The following PPP2R3A variants were observed in gnomAD, a reference collection of about 807,000 sequenced individuals.
PPP2R3A encodes protein phosphatase 2 regulatory subunit B''alpha, also known as serine/threonine-protein phosphatase 2A regulatory subunit B'' subunit alpha.
PPP2R3A carries 80 observed loss-of-function variants against 106.9 expected under a neutral mutation model. That is an observed-to-expected ratio of 0.75 (90% CI 0.62 to 0.90). The LOEUF is 0.90. PPP2R3A is among the 40% of genes least tolerant of loss of function. The pLI, the probability that PPP2R3A is intolerant of heterozygous loss-of-function variation, is 0.00. For missense variants in PPP2R3A, 1,386 were observed against 1,350.4 expected (o/e 1.03, Z -0.41); for synonymous variants, 483 against 468.3 (o/e 1.03, Z -0.41).
chr3:136,104,013 TAAG>T (rs1034660399), intron 12 of PPP2R3A, among the ~76,000 whole-genome samples: 2 of 152,150 alleles, frequency 1.3e-5, no homozygotes, highest in African/African-American at 4.8e-5. Flanking sequence ...ACCATTCCTC[TAAG>T]AAGTAAAAAT....
intron 3 of PPP2R3A, among the ~76,000 whole-genome samples, chr3:136,031,275 A>AT (rs1198969083): frequency 1.3e-5 from 2 of 152,058 alleles, no homozygotes; most frequent in Non-Finnish European, 2.9e-5. Flanking sequence ...GACATTGAAC[A>AT]TTTTTTATAT....
intron 2 of PPP2R3A, among the ~76,000 whole-genome samples, chr3:136,011,213 C>G (rs558032252): frequency 1.3e-5 from 2 of 152,130 alleles, no homozygotes; most frequent in African/African-American, 4.8e-5. Context: ...CCCTTTCCCC[C>G]TCTACTGTTT....
intron 13 of PPP2R3A, among the ~76,000 whole-genome samples, chr3:136,134,143 A>G (rs1025315281): frequency 2.0e-5 from 3 of 152,202 alleles, no homozygotes; most frequent in African/African-American, 7.2e-5. Context: ...GAAGACAGAC[A>G]GATGCAGTTA....
At chr3:136,115,800 G>A (rs1297152128) in intron 13 of PPP2R3A, among the ~76,000 whole-genome samples, 1 of 151,994 alleles carries the variant, frequency 6.6e-6, no homozygotes, top group Non-Finnish European at 1.5e-5. Flanking sequence ...GGGGAGAATG[G>A]AACCAAGTTG....
intron 3 of PPP2R3A, among the ~76,000 whole-genome samples, chr3:136,039,111 C>T (rs1223292003): frequency 6.6e-6 from 1 of 152,122 alleles, no homozygotes; most frequent in Non-Finnish European, 1.5e-5. Context: ...ACTAGGTACT[C>T]TTCAGGCTCC....
At chr3:136,056,714 A>G (rs1235358915) in intron 5 of PPP2R3A, among the ~76,000 whole-genome samples, 2 of 152,154 alleles carry the variant, frequency 1.3e-5, no homozygotes, top group African/African-American at 4.8e-5. Flanking sequence ...ACAAAGGAAA[A>G]AATAGACAAA....
Position 136,001,197 on chromosome 3 carries a change from A to C in PPP2R3A, c.-302A>C. ...TTTCCATGTTATAGAACTGTTGAAG[A>C]ACTAAAAGAGGATATTCTTTCATCA... On this transcript the variant is annotated 5_prime_UTR_variant, in exon 2 of 14. Coordinates refer to ENST00000264977, the MANE Select transcript of PPP2R3A (RefSeq NM_002718.5). The C allele has an allele frequency of 2.3e-6, 1 of 443,918 alleles. No individual in the cohort carries two copies. Among genetic ancestry groups the C allele is most frequent in the East Asian group, 3.3e-5 (1 of 30,052 alleles). The allele number at this position is 443,918 out of a possible 1,614,324, so 27.5% of individuals were successfully genotyped here.
At position 136,145,262 on chromosome 3, in the gene PPP2R3A, G is replaced by C. The variant is rs1304072883; in HGVS notation, c.*96G>C. ...TTGCATACTGCTTTTTAAAGACTTT[G>C]ATTTCTCCAAGTGTGTATCATCTGC... is the stretch of plus-strand genomic sequence containing the variant. On this transcript the variant is annotated 3_prime_UTR_variant, in exon 14 of 14. Coordinates refer to ENST00000264977, the MANE Select transcript of PPP2R3A (RefSeq NM_002718.5). 2 of 1,420,262 alleles carry C rather than the reference G, an allele frequency of 1.4e-6. No homozygotes were observed. The highest frequency in any genetic ancestry group is 1.9e-6 in the Non-Finnish European group (2 of 1,066,756). The allele number at this position is 1,420,262 out of a possible 1,614,324, so 88.0% of individuals were successfully genotyped here.
At chr3:135,997,962 G>T (rs1230429970) in intron 1 of PPP2R3A, among the ~76,000 whole-genome samples, 1 of 152,130 alleles carries the variant, frequency 6.6e-6, no homozygotes, top group Non-Finnish European at 1.5e-5. Context: ...AAATTTCATC[G>T]TGTTACTCTT....
chr3:136,084,207 C>T (rs535660281), intron 8 of PPP2R3A, among the ~76,000 whole-genome samples: 3 of 152,236 alleles, frequency 2.0e-5, no homozygotes, highest in African/African-American at 7.2e-5. Context: ...TGGGGCCCCC[C>T]CTGCTCTATG....
chr3:136,126,356 C>A (rs541680269), intron 13 of PPP2R3A, among the ~76,000 whole-genome samples: 9 of 152,228 alleles, frequency 5.9e-5, no homozygotes, highest in Non-Finnish European at 1.0e-4. Flanking sequence ...GCCCATGGAG[C>A]CTTGCTCACT....
intron 5 of PPP2R3A, among the ~76,000 whole-genome samples, chr3:136,057,878 G>A (rs1459583562): frequency 3.3e-5 from 5 of 152,078 alleles, no homozygotes; most frequent in Non-Finnish European, 7.4e-5. Flanking sequence ...CCATTATGAA[G>A]AACAGTTTGG....
At chr3:136,080,083 G>C (rs1036662983) in intron 7 of PPP2R3A, among the ~76,000 whole-genome samples, 7 of 152,124 alleles carry the variant, frequency 4.6e-5, no homozygotes, top group African/African-American at 1.7e-4. Flanking sequence ...GTAGTATATA[G>C]TTTTGTTTTG....
At position 135,966,326 on chromosome 3, in the gene PPP2R3A, A is replaced by G. The variant is rs1376258386; in HGVS notation, c.-441+477A>G. 9.9e-5 allele frequency among the ~76,000 whole-genome samples: 15 copies of G among 152,114 alleles called. No homozygotes were observed. The East Asian group carries it at 2.9e-3, about 29-fold the overall frequency. On this transcript the variant is annotated intron_variant, in intron 1 of 13. Coordinates refer to ENST00000264977, the MANE Select transcript of PPP2R3A (RefSeq NM_002718.5). ...CTTTTCCTTCCCCGCCCCCTGCCCA[A>G]CCTCGGCCCGACTTGGCCAAAGAAG...
At chr3:135,975,261 C>A (rs1271525462) in intron 1 of PPP2R3A, among the ~76,000 whole-genome samples, 5 of 152,032 alleles carry the variant, frequency 3.3e-5, no homozygotes, top group Admixed American at 6.6e-5. Flanking sequence ...CTGAGAAATG[C>A]CCCAGGCCTT....
intron 5 of PPP2R3A, among the ~76,000 whole-genome samples, chr3:136,056,493 A>C (rs1037515391): frequency 5.6e-5 from 8 of 143,006 alleles, no homozygotes; most frequent in Admixed American, 3.5e-4. Flanking sequence ...AAAAAAAAAA[A>C]CCAGTTATTT....
At chr3:136,030,805 T>C (rs1162025190) in intron 3 of PPP2R3A, among the ~76,000 whole-genome samples, 1 of 147,462 alleles carries the variant, frequency 6.8e-6, no homozygotes, top group Non-Finnish European at 1.5e-5. Context: ...TATGTATGTA[T>C]GTATGTATGT....
chr3:136,001,385 G>A lies in PPP2R3A; in HGVS notation c.-114G>A, dbSNP rs1305639297. 2 of 931,532 alleles carry A rather than the reference G, an allele frequency of 2.1e-6. No individual in the cohort carries two copies. Among genetic ancestry groups the A allele is most frequent in the Non-Finnish European group, 3.2e-6 (2 of 617,510 alleles). 57.7% of individuals were successfully genotyped at this position (931,532 alleles called of 1,614,324 possible). On this transcript the variant is annotated 5_prime_UTR_variant, in exon 2 of 14. Coordinates refer to ENST00000264977, the MANE Select transcript of PPP2R3A (RefSeq NM_002718.5). ...ATGGGAAAAGCCATTATATTTGGAA[G>A]AAACCACTGAACATTGTTATTAAAT...
chr3:136,000,017 C>G (rs1933558700), intron 1 of PPP2R3A, among the ~76,000 whole-genome samples: 1 of 152,132 alleles, frequency 6.6e-6, no homozygotes, highest in South Asian at 2.1e-4. Context: ...ACTCTAGGGC[C>G]TTTGTACTTG....
Sources: allele counts gnomAD v4.1 joint callset (sites outside exome capture counted in the v4.1 genomes callset), GRCh38; gene constraint gnomAD v4.1.1; transcripts MANE v1.5; gene names NCBI Gene and HGNC (gene_info 2026-07-23, HGNC 2026-07-21).